AFP: variants seen among roughly 807,000 people sequenced by gnomAD.
AFP encodes the protein alpha fetoprotein.
Under a neutral mutation model 78.9 loss-of-function variants are expected in AFP, and 64 were observed. That is an observed-to-expected ratio of 0.81 (90% confidence interval 0.66 to 1.00). The LOEUF is 1.00. Among genes scored for constraint, AFP ranks in the 50% least tolerant of loss-of-function variants. AFP has a pLI of 0.00. For missense variants in AFP, 689 were observed against 703.8 expected (o/e 0.98, Z 0.24); for synonymous variants, 254 against 243.8 (o/e 1.04, Z -0.39).
At chr4:73,449,220 A>T in intron 8 of AFP, 115 bp from the exon 9 acceptor site, 1 of 927,612 alleles carries the variant, frequency 1.1e-6, no homozygotes, top group Non-Finnish European at 1.6e-6. Context: ...TTTCAGGTTT[A>T]TTTATTTGAA....
chr4:73,443,615 C>T (rs573286947), intron 6 of AFP, among the ~76,000 whole-genome samples, 171 bp downstream of exon 6: 1 of 152,212 alleles, frequency 6.6e-6, no homozygotes, highest in East Asian at 1.9e-4. Context: ...CAGAAGGAAG[C>T]TAACGGATAA....
chr4:73,444,569 A>T (rs1719764305), intron 6 of AFP, among the ~76,000 whole-genome samples: 1 of 152,252 alleles, frequency 6.6e-6, no homozygotes, highest in African/African-American at 2.4e-5. Context: ...ATTGATTTGC[A>T]CATACGCCTC....
intron 1 of AFP, 83 bp downstream of exon 1, chr4:73,436,430 TATTA>T (rs1719507614): frequency 1.2e-6 from 1 of 802,924 alleles, no homozygotes; most frequent in African/African-American, 1.8e-5. Flanking sequence ...TGTCTTGATT[TATTA>T]TTCATATTTA....
chr4:73,445,658 CT>C, intron 7 of AFP, among the ~76,000 whole-genome samples: 1 of 152,224 alleles, frequency 6.6e-6, no homozygotes, highest in South Asian at 2.1e-4. Context: ...GGAAGGCATT[CT>C]ATAATAGTTT....
At chr4:73,448,840 G>A (rs1007976274) in intron 8 of AFP, among the ~76,000 whole-genome samples, 4 of 152,110 alleles carry the variant, frequency 2.6e-5, no homozygotes, top group African/African-American at 9.7e-5. Flanking sequence ...CACATTCAAA[G>A]TTAGTGGCCT....
chr4:73,446,245 C>G (rs1216298682), intron 7 of AFP, among the ~76,000 whole-genome samples: 1 of 152,176 alleles, frequency 6.6e-6, no homozygotes, highest in African/African-American at 2.4e-5. Flanking sequence ...GGAAAACCAA[C>G]AAGAAGTATT....
intron 5 of AFP, among the ~76,000 whole-genome samples, chr4:73,442,704 G>A (rs764225053): frequency 1.8e-4 from 27 of 152,138 alleles, no homozygotes; most frequent in Admixed American, 5.9e-4. Context: ...AAGAGAGGGT[G>A]CTATAAATGG....
chr4:73,446,985 C>A (rs1022298007), intron 7 of AFP, among the ~76,000 whole-genome samples: 4 of 152,134 alleles, frequency 2.6e-5, no homozygotes, highest in Admixed American at 2.0e-4. Flanking sequence ...CACGTTCTCA[C>A]TCTATTTGCC....
chr4:73,438,194 A>G lies in AFP; in HGVS notation c.158A>G (p.Gln53Arg). 1 of 1,613,430 alleles carries G rather than the reference A, an allele frequency of 6.2e-7. No individual in the cohort carries two copies. Among genetic ancestry groups the G allele is most frequent in the Non-Finnish European group, 8.5e-7 (1 of 1,179,480 alleles). ...LADLATIFFA[Q>R]FVQEATYKEV... ...TTCAGGGCTACCATATTTTTTGCCC[A>G]GTTTGTTCAAGAAGCCACTTACAAG... Residue 53 changes from glutamine to arginine, a missense_variant, in exon 3 of 15, where the codon CAG becomes CGG. Transcript: ENST00000395792.
In AFP at chr4:73,438,358, T is replaced by A. The variant is rs766364091; in HGVS notation, c.270+52T>A. 13 of 1,561,814 alleles carry A rather than the reference T, an allele frequency of 8.3e-6. No individual in the cohort carries two copies. The African/African-American group carries it at 1.6e-4, about 20-fold the overall frequency. On this transcript the variant is annotated intron_variant, in intron 3 of 14. Coordinates refer to ENST00000395792, the MANE Select transcript of AFP (RefSeq NM_001134.3). The stretch of plus-strand genomic sequence containing the variant: ...TGTGATATTTGACAAAAATTTAGCA[T>A]GCTGAAGAGAAGATACAAAAATAGC...
intron 2 of AFP, 44 bp from the exon 3 acceptor site, chr4:73,438,130 C>T (rs761570912): frequency 5.6e-6 from 9 of 1,610,360 alleles, no homozygotes; most frequent in Middle Eastern, 1.6e-4. Context: ...AATAAGCTTG[C>T]TGCAGGTCTG....
chr4:73,439,814 A>G (rs1307088867), intron 3 of AFP, among the ~76,000 whole-genome samples: 4 of 152,092 alleles, frequency 2.6e-5, no homozygotes, highest in Non-Finnish European at 5.9e-5. Flanking sequence ...AAAAATAATT[A>G]TTTCATTTCA....
In AFP at chr4:73,450,607, T is replaced by G. The variant is rs1174339713; in HGVS notation, c.1290-8T>G. The G allele has an allele frequency of 6.2e-7, 1 of 1,614,120 alleles. No individual in the cohort carries two copies. Among genetic ancestry groups the G allele is most frequent in the Admixed American group, 1.7e-5 (1 of 60,010 alleles). ...CAGCAGGACTTAGTTAAAAAATGCT[T>G]CTTTCAGGTTTCTCGTTGCTTACAC... On this transcript the variant is annotated splice_region_variant and splice_polypyrimidine_tract_variant and intron_variant, in intron 10 of 14. Coordinates refer to ENST00000395792, the MANE Select transcript of AFP (RefSeq NM_001134.3).
At chr4:73,452,726 G>A in intron 12 of AFP, 102 bp downstream of exon 12, 1 of 932,760 alleles carries the variant, frequency 1.1e-6, no homozygotes. Flanking sequence ...CACTAACAGA[G>A]CGTTACTCCC....
At chr4:73,453,471 G>A in intron 12 of AFP, 1 of 363,576 alleles carries the variant, frequency 2.8e-6, no homozygotes, top group South Asian at 2.6e-5. Flanking sequence ...GAGCGGACAG[G>A]AAAGGATATT....
In AFP at chr4:73,452,480, C is replaced by G; in HGVS notation, c.1508C>G (p.Ser503Cys). The G allele has an allele frequency of 6.2e-7, 1 of 1,614,108 alleles. No individual in the cohort carries two copies. Among genetic ancestry groups the G allele is most frequent in the South Asian group, 1.1e-5 (1 of 91,080 alleles). ...VNPGVGQCCT[S>C]SYANRRPCFS... ...CCTGGTGTTGGCCAGTGCTGCACTT[C>G]TTCATATGCCAACAGGAGGCCATGC... is the stretch of plus-strand genomic sequence containing the variant. The change falls in exon 12 of 15, where the codon TCT (serine) becomes TGT (cysteine). Residue 503 changes from serine (S) to cysteine (C), a missense_variant. Physicochemically the swap from Ser to Cys is moderately radical, Grantham distance 112. Transcript: ENST00000395792.
chr4:73,453,817 G>C lies in AFP; in HGVS notation c.1705G>C (p.Glu569Gln). The C allele has an allele frequency of 1.2e-6, 2 of 1,613,810 alleles. No homozygotes were observed. Among genetic ancestry groups the C allele is most frequent in the Non-Finnish European group, 1.7e-6 (2 of 1,179,782 alleles). ...GCCACAAATAACAGAGGAACAACTT[G>C]AGGCTGTCATTGCAGATTTCTCAGG... ...QKPQITEEQLEAVIADFSGLL... is the reference protein window; with the variant it reads ...QKPQITEEQLQAVIADFSGLL... Residue 569 changes from glutamate (E) to glutamine (Q), a missense_variant, in exon 13 of 15, where the codon GAG (glutamate) becomes CAG (glutamine). By Grantham distance (29) the Glu-to-Gln change is conservative. Transcript: ENST00000395792.
At position 73,440,698 on chromosome 4, in the gene AFP, A is replaced by G; in HGVS notation, c.367A>G (p.Asn123Asp). ...CAGCCAAAGTGAAGAGGGAAGACATAACTGTTTTCTTGCACACAAAAAGCC... is the reference window on the plus strand; with the variant it reads ...CAGCCAAAGTGAAGAGGGAAGACATGACTGTTTTCTTGCACACAAAAAGCC... ...CCSQSEEGRH[N>D]CFLAHKKPTP... Residue 123 changes from asparagine (N) to aspartate (D), a missense_variant, in exon 4 of 15, where the codon AAC (asparagine) becomes GAC (aspartate). Transcript: ENST00000395792. 1 of 1,614,180 alleles carries G rather than the reference A, an allele frequency of 6.2e-7. No homozygotes were observed. Among genetic ancestry groups the G allele is most frequent in the Non-Finnish European group, 8.5e-7 (1 of 1,180,030 alleles).
At chr4:73,450,246 G>A (rs1719950099) in intron 10 of AFP, 113 bp downstream of exon 10, 1 of 923,262 alleles carries the variant, frequency 1.1e-6, no homozygotes, top group African/African-American at 1.7e-5. Flanking sequence ...TCTGATCTGT[G>A]GTATTGACTT....
Sources: gnomAD v4.1 joint callset for allele counts (sites outside exome capture counted in the v4.1 genomes callset) on GRCh38, gnomAD v4.1.1 for gene constraint, MANE v1.5 for transcripts, NCBI Gene and HGNC (gene_info 2026-07-23, HGNC 2026-07-21) for gene names.